The following FBXW8 variants were observed in gnomAD, a reference collection of about 807,000 sequenced individuals.
FBXW8 encodes F-box and WD repeat domain containing 8.
Under a neutral mutation model 65.3 loss-of-function variants are expected in FBXW8, and 57 were observed. The ratio of observed to expected loss-of-function variants is 0.87; its 90% CI spans 0.71 to 1.09. FBXW8 has a LOEUF of 1.09. Ranked by LOEUF, FBXW8 falls within the 50% of genes least tolerant of loss-of-function variation. FBXW8 has a pLI of 0.00. For synonymous variants in FBXW8, 308 were observed against 330.2 expected, an observed-to-expected ratio of 0.93 and a Z score of 0.73; for missense variants, 777 against 814.8, an observed-to-expected ratio of 0.95 and a Z score of 0.57.
At chr12:116,992,764 G>GTGTGTGTGTGTC in intron 7 of FBXW8, among the ~76,000 whole-genome samples, 1 of 135,808 alleles carries the variant, frequency 7.4e-6, no homozygotes, top group Non-Finnish European at 1.5e-5. Context: ...ATTCCATGGT[G>GTGTGTGTGTGTC]TGTGTGTGTG....
intron 4 of FBXW8, among the ~76,000 whole-genome samples, chr12:116,952,387 A>G (rs1024388860): frequency 2.0e-5 from 3 of 152,198 alleles, no homozygotes; most frequent in African/African-American, 7.2e-5. Flanking sequence ...AAAGTGTACA[A>G]TTCAGTGATT....
At chr12:116,972,020 G>A (rs965395796) in intron 5 of FBXW8, among the ~76,000 whole-genome samples, 1 of 152,164 alleles carries the variant, frequency 6.6e-6, no homozygotes, top group Admixed American at 6.5e-5. Context: ...AGTTACTAGT[G>A]AAAGTAAATT....
intron 2 of FBXW8, among the ~76,000 whole-genome samples, chr12:116,928,494 A>G (rs4238051): frequency 0.83 from 125,921 of 152,162 alleles, 52,528 homozygotes; most frequent in East Asian, 0.95. Flanking sequence ...CGAGCCTGTT[A>G]TTAGGTTGGT....
At chr12:116,984,306 G>A (rs903948037) in intron 5 of FBXW8, among the ~76,000 whole-genome samples, 1 of 152,094 alleles carries the variant, frequency 6.6e-6, no homozygotes, top group East Asian at 1.9e-4. Flanking sequence ...CTAATAAGTC[G>A]CCACGTGGTA....
At chr12:116,940,493 CTT>C (rs35452609) in intron 2 of FBXW8, among the ~76,000 whole-genome samples, 1 of 137,374 alleles carries the variant, frequency 7.3e-6, no homozygotes. Context: ...GGATGGTGGG[CTT>C]TTTTTTTTTT....
At chr12:116,973,726 C>T (rs1172757378) in intron 5 of FBXW8, among the ~76,000 whole-genome samples, 1 of 152,128 alleles carries the variant, frequency 6.6e-6, no homozygotes, top group Non-Finnish European at 1.5e-5. Flanking sequence ...GAAGAGAGAC[C>T]TGACAATGGA....
chr12:116,977,362 G>A (rs1168605847), intron 5 of FBXW8: 1 of 152,110 alleles, frequency 6.6e-6, no homozygotes, highest in African/African-American at 2.4e-5. Flanking sequence ...CACTTAGTCT[G>A]CAGTGTGGCT....
At chr12:116,989,456 T>C (rs1953183107) in intron 7 of FBXW8, among the ~76,000 whole-genome samples, 1 of 152,250 alleles carries the variant, frequency 6.6e-6, no homozygotes, top group African/African-American at 2.4e-5. Flanking sequence ...ATGGACATTT[T>C]CAAATTGCCC....
chr12:116,950,829 G>A (rs1173802829), intron 4 of FBXW8: 1 of 152,104 alleles, frequency 6.6e-6, no homozygotes, highest in Non-Finnish European at 1.5e-5. Flanking sequence ...GTGGGCCTGC[G>A]ATCAACTGAT....
chr12:116,927,345 A>G (rs1881410437), intron 1 of FBXW8, among the ~76,000 whole-genome samples: 1 of 152,226 alleles, frequency 6.6e-6, no homozygotes, highest in African/African-American at 2.4e-5. Flanking sequence ...ACACCGAAGA[A>G]GAACTGCTTT....
At chr12:116,934,729 A>C (rs1377315112) in intron 2 of FBXW8, among the ~76,000 whole-genome samples, 4 of 152,318 alleles carry the variant, frequency 2.6e-5, no homozygotes, top group Middle Eastern at 3.4e-3. Flanking sequence ...ATCCCGCATA[A>C]CTACAGAACA....
chr12:116,976,198 A>G (rs970135073), intron 5 of FBXW8, among the ~76,000 whole-genome samples: 2 of 152,222 alleles, frequency 1.3e-5, no homozygotes, highest in Non-Finnish European at 2.9e-5. Flanking sequence ...AAACAATGTT[A>G]CATGATTACT....
At chr12:116,942,770 A>ATTTTTTTTTTTTTTTTTTTTTTTTTT in intron 2 of FBXW8, among the ~76,000 whole-genome samples, 1 of 64,358 alleles carries the variant, frequency 1.6e-5, no homozygotes, top group Non-Finnish European at 2.7e-5. Context: ...CAGAGCTTCT[A>ATTTTTTTTTTTTTTTTTTTTTTTTTT]TTTTTTTTTT....
At chr12:116,940,723 G>C (rs1565905819) in intron 2 of FBXW8, among the ~76,000 whole-genome samples, 1 of 152,094 alleles carries the variant, frequency 6.6e-6, no homozygotes. Context: ...AAATTAAACA[G>C]ACTGCAGGAG....
At chr12:117,021,801 G>A (rs1485157689) in intron 8 of FBXW8, among the ~76,000 whole-genome samples, 4 of 151,994 alleles carry the variant, frequency 2.6e-5, no homozygotes, top group Admixed American at 2.6e-4. Context: ...TTTTTAAAAA[G>A]CGATGTGAAG....
At chr12:117,016,617 A>T (rs1018883770) in intron 8 of FBXW8, among the ~76,000 whole-genome samples, 2 of 146,708 alleles carry the variant, frequency 1.4e-5, no homozygotes, top group Non-Finnish European at 3.0e-5. Flanking sequence ...CAAGTTTTCA[A>T]TTTTGATGAA....
At chr12:116,953,392 G>A (rs1374142969) in intron 4 of FBXW8, among the ~76,000 whole-genome samples, 1 of 152,294 alleles carries the variant, frequency 6.6e-6, no homozygotes, top group African/African-American at 2.4e-5. Flanking sequence ...TGAGGCTGCC[G>A]TTTCCAGCCC....
At chr12:117,025,886 G>A (rs1954216523) in intron 9 of FBXW8, among the ~76,000 whole-genome samples, 1 of 152,218 alleles carries the variant, frequency 6.6e-6, no homozygotes, top group Non-Finnish European at 1.5e-5. Flanking sequence ...CCCTGGGACA[G>A]GCCACTGAGA....
chr12:116,998,729 TGAAAACAC>T (rs1282221744), intron 7 of FBXW8, among the ~76,000 whole-genome samples: 3 of 152,162 alleles, frequency 2.0e-5, no homozygotes, highest in South Asian at 2.1e-4. Context: ...GTTCCAGAGG[TGAAAACAC>T]GAAAACACTA....
Sources: gnomAD v4.1 joint callset for allele counts (sites outside exome capture counted in the v4.1 genomes callset) on GRCh38, gnomAD v4.1.1 for gene constraint, MANE v1.5 for transcripts, NCBI Gene and HGNC (gene_info 2026-07-23, HGNC 2026-07-21) for gene names.